The following CDC123 variants were observed in gnomAD, a reference collection of about 807,000 sequenced individuals.
CDC123 encodes translation initiation factor eIF2 assembly protein.
In CDC123, 37 loss-of-function variants were observed where a neutral mutation model predicts 54.4. The ratio of observed to expected loss-of-function variants is 0.68; its 90% CI spans 0.52 to 0.89. The LOEUF is 0.89. Among genes scored for constraint, CDC123 ranks in the 40% least tolerant of loss-of-function variants. The probability of loss-of-function intolerance (pLI) is 0.00; values close to 1 mark genes in which losing one functional copy is unlikely to be tolerated. For synonymous variants in CDC123, 144 were observed against 136.8 expected (o/e 1.05, Z -0.37); for missense variants, 361 against 412.1 (o/e 0.88, Z 1.07).
At chr10:12,245,737 G>C (rs1299289724) in intron 10 of CDC123, 1 of 157,580 alleles carries the variant, frequency 6.3e-6, no homozygotes, top group Non-Finnish European at 1.4e-5. Flanking sequence ...ATGATCTTTT[G>C]AAATAAGTGA....
chr10:12,236,087 C>T (rs1481681509), intron 8 of CDC123, among the ~76,000 whole-genome samples: 1 of 152,166 alleles, frequency 6.6e-6, no homozygotes, highest in African/African-American at 2.4e-5. Context: ...TAGACTGCTT[C>T]TATGCAATAC....
intron 10 of CDC123, among the ~76,000 whole-genome samples, chr10:12,243,416 G>T (rs142950469): frequency 2.0e-5 from 3 of 151,610 alleles, no homozygotes; most frequent in African/African-American, 7.3e-5. Flanking sequence ...ATGTGGTTTG[G>T]TTTTTTGCAT....
intron 2 of CDC123, among the ~76,000 whole-genome samples, chr10:12,206,958 C>CAAAAA (rs35906839): frequency 9.9e-6 from 1 of 100,922 alleles, no homozygotes; most frequent in African/African-American, 3.7e-5. Flanking sequence ...GACTCCATCT[C>CAAAAA]AAAAAAAAAA....
chr10:12,200,571 T>G (rs1435473620), intron 2 of CDC123, among the ~76,000 whole-genome samples: 1 of 152,168 alleles, frequency 6.6e-6, no homozygotes, highest in Non-Finnish European at 1.5e-5. Context: ...GTTGAAGAGC[T>G]CCTATGATGA....
intron 6 of CDC123, among the ~76,000 whole-genome samples, chr10:12,228,361 T>G (rs182033256): frequency 6.6e-6 from 1 of 152,244 alleles, no homozygotes; most frequent in Admixed American, 6.5e-5. Context: ...TTAGTTTGAT[T>G]TGAAATAAGA....
intron 2 of CDC123, among the ~76,000 whole-genome samples, chr10:12,203,802 TAAA>T (rs1835477006): frequency 6.6e-6 from 1 of 152,092 alleles, no homozygotes; most frequent in Non-Finnish European, 1.5e-5. Context: ...TGTTTTTGAA[TAAA>T]AGCATCAACC....
At chr10:12,210,420 A>G in intron 4 of CDC123, 98 bp downstream of exon 4, 1 of 1,392,010 alleles carries the variant, frequency 7.2e-7, no homozygotes, top group South Asian at 1.4e-5. Flanking sequence ...ATTCCTAGTC[A>G]GTCACCATCT....
intron 7 of CDC123, among the ~76,000 whole-genome samples, chr10:12,231,620 C>T (rs553584374): frequency 6.0e-5 from 7 of 116,182 alleles, no homozygotes; most frequent in Non-Finnish European, 7.1e-5. Flanking sequence ...AGTGAAACTC[C>T]GTCTCAAAAA....
At chr10:12,245,876 G>A (rs868367568) in intron 10 of CDC123, 2 of 272,978 alleles carry the variant, frequency 7.3e-6, no homozygotes, top group South Asian at 1.2e-4. Flanking sequence ...TTCAAGACCA[G>A]CCTGGGCAAC....
At chr10:12,247,494 CACT>C (rs1836168205) in intron 11 of CDC123, 1 of 40,342 alleles carries the variant, frequency 2.5e-5, no homozygotes. Flanking sequence ...CCCCTCAGGA[CACT>C]GTGTCCTCCT....
chr10:12,237,300 A>G, intron 9 of CDC123, 34 bp downstream of exon 9: 9 of 1,504,464 alleles, frequency 6.0e-6, no homozygotes, highest in Non-Finnish European at 8.0e-6. Context: ...GTAAAATGAA[A>G]TGAAATATAC....
Position 12,198,690 on chromosome 10 carries a change from G to A in CDC123, c.75-15G>A, listed in dbSNP as rs748140673. The A allele has an allele frequency of 2.0e-6, 3 of 1,467,442 alleles. No homozygotes were observed. The highest frequency in any genetic ancestry group is 2.8e-6 in the Non-Finnish European group (3 of 1,060,750). The allele number at this position is 1,467,442 out of a possible 1,614,324, so 90.9% of individuals were successfully genotyped here. A position where few individuals can be genotyped will look rare whatever the true frequency, so the allele number is the denominator to read the frequency against. ...GTCTTTTAAAATGATGCCTTTTTTGGTGTTTTTTTTTTAGTGTCATTCTTC... is the reference window on the plus strand; with the variant it reads ...GTCTTTTAAAATGATGCCTTTTTTGATGTTTTTTTTTTAGTGTCATTCTTC... On this transcript the variant is annotated splice_polypyrimidine_tract_variant and intron_variant, in intron 1 of 12. Coordinates refer to ENST00000281141, the MANE Select transcript of CDC123 (RefSeq NM_006023.3).
intron 10 of CDC123, among the ~76,000 whole-genome samples, chr10:12,239,724 A>G (rs1464152701): frequency 6.9e-4 from 60 of 86,700 alleles, no homozygotes; most frequent in South Asian, 2.2e-3. Context: ...AAAAAAAAAA[A>G]GGGGCCGGGC....
Position 12,201,083 on chromosome 10 carries a change from C to T in CDC123, c.146+2307C>T, listed in dbSNP as rs540462530. Among the ~76,000 whole-genome samples, 14 of 152,308 alleles carry T rather than the reference C, an allele frequency of 9.2e-5. No individual in the cohort carries two copies. The East Asian group carries it at 9.6e-4, about 10-fold the overall frequency. On this transcript the variant is annotated intron_variant, in intron 2 of 12. Coordinates refer to ENST00000281141, the MANE Select transcript of CDC123 (RefSeq NM_006023.3). The stretch of plus-strand genomic sequence containing the variant: ...TGGTGCTGTTTCTTTAGTCAGATTG[C>T]TTAATTTTAAGTAATATCTTTGCTA...
intron 4 of CDC123, among the ~76,000 whole-genome samples, chr10:12,210,713 AT>A (rs1224118097): frequency 6.6e-6 from 1 of 151,962 alleles, no homozygotes; most frequent in Non-Finnish European, 1.5e-5. Context: ...TTGTGTATTT[AT>A]TTTTGAGACA....
intron 11 of CDC123, 109 bp downstream of exon 11, chr10:12,246,386 G>A (rs552522676): frequency 1.1e-5 from 14 of 1,278,650 alleles, no homozygotes; most frequent in Admixed American, 3.9e-5. Flanking sequence ...CTTGGGAAGC[G>A]CAGAGTGTAA....
intron 2 of CDC123, among the ~76,000 whole-genome samples, chr10:12,207,524 A>G (rs1467790121): frequency 6.6e-6 from 1 of 151,294 alleles, no homozygotes; most frequent in Non-Finnish European, 1.5e-5. Context: ...GCCTTCCTTC[A>G]TATTTAAGAG....
intron 2 of CDC123, among the ~76,000 whole-genome samples, chr10:12,200,862 G>A (rs1835429660): frequency 6.6e-6 from 1 of 152,178 alleles, no homozygotes. Context: ...GAACGCAGGA[G>A]GTGGAGGTTG....
chr10:12,233,682 C>T (rs1835935750), intron 7 of CDC123, among the ~76,000 whole-genome samples: 1 of 151,858 alleles, frequency 6.6e-6, no homozygotes, highest in South Asian at 2.1e-4. Context: ...GTTTCAGATT[C>T]ATTTAATAAT....
Sources: allele counts gnomAD v4.1 joint callset (sites outside exome capture counted in the v4.1 genomes callset), GRCh38; gene constraint gnomAD v4.1.1; transcripts MANE v1.5; gene names NCBI Gene and HGNC (gene_info 2026-07-23, HGNC 2026-07-21).